MTMR8: variants seen among roughly 807,000 people sequenced by gnomAD.
The protein encoded by MTMR8 is phosphatidylinositol-3,5-bisphosphate 3-phosphatase MTMR8.
A neutral mutation model predicts 39.3 loss-of-function variants in MTMR8; 65 were observed. That is an observed-to-expected ratio of 1.65 (90% CI 1.35 to 2.03). MTMR8 has a LOEUF of 2.03. Ranked by LOEUF, MTMR8 falls within the 30% of genes most tolerant of loss-of-function variation. The pLI is 0.00. For synonymous variants in MTMR8, 245 were observed against 185.2 expected (o/e 1.32, Z -2.62); for missense variants, 777 against 538.9 (o/e 1.44, Z -4.37).
chrX:64,268,940 C>T lies in MTMR8; in HGVS notation c.1712G>A (p.Gly571Asp). 8.3e-7 allele frequency: 1 copy of T among 1,211,605 alleles called. No homozygotes were observed. Among genetic ancestry groups the T allele is most frequent in the Admixed American group, 2.2e-5 (1 of 46,018 alleles). ...CAGGTCTCCATTGATACCCATAAAG[C>T]CAAGAGGATTGGTCAAAGGACTTCC... ...HLGSPLTNPL[G>D]FMGINGDLNT... Residue 571 changes from glycine (G) to aspartate (D), a missense_variant, in exon 14 of 14, where the codon GGC (glycine) becomes GAC (aspartate). Transcript: ENST00000374852.
rs1249274718 is a variant in MTMR8 at position 64,354,865 on chromosome X, C to T, written c.380G>A (p.Trp127Ter). ...KSSKEMRESGWKLIDPISDFG... is the reference protein window; with the variant it reads ...KSSKEMRESG ...GTCTGATATTGGGTCAATCAGTTTC[C>T]ATCCACTTTCCCTCATCTCTTTTGA... Residue 127 changes from tryptophan to a stop codon, truncating the protein, a stop_gained, in exon 4 of 14, where the codon TGG becomes TAG. Transcript: ENST00000374852. LOFTEE classifies it high-confidence loss of function. The T allele has an allele frequency of 8.3e-7, 1 of 1,203,798 alleles. No homozygotes were observed. Among genetic ancestry groups the T allele is most frequent in the Admixed American group, 2.2e-5 (1 of 45,312 alleles).
At chrX:64,336,156 G>T (rs147190826) in intron 9 of MTMR8, 28 bp from the exon 10 acceptor site, 3 of 1,092,150 alleles carry the variant, frequency 2.7e-6, no homozygotes, top group African/African-American at 3.7e-5. Context: ...GAAAGTGTTT[G>T]CATTAGGAAA....
chrX:64,370,854 C>T lies in MTMR8; in HGVS notation c.25-11327G>A, dbSNP rs756007126. Among the ~76,000 whole-genome samples the T allele has an allele frequency of 1.9e-3, 212 of 111,598 alleles. 2 individuals are homozygous for T. Among genetic ancestry groups the T allele is most frequent in the African/African-American group, 6.2e-3 (190 of 30,708 alleles). On this transcript the variant is annotated intron_variant, in intron 1 of 13. Coordinates refer to ENST00000374852, the MANE Select transcript of MTMR8 (RefSeq NM_017677.4). ...CTCTAAATGTGCTCTAATTAGGGAT[C>T]CTCAATATCCAAGACAGACCAGGTA... is the stretch of plus-strand genomic sequence containing the variant.
intron 1 of MTMR8, among the ~76,000 whole-genome samples, chrX:64,394,590 T>C (rs1452309908): frequency 9.0e-6 from 1 of 111,059 alleles, no homozygotes; most frequent in Non-Finnish European, 1.9e-5. Flanking sequence ...AGGAGGGAAG[T>C]GGATTTGAAA....
chrX:64,362,780 G>A (rs1370799714), intron 1 of MTMR8, among the ~76,000 whole-genome samples: 3 of 110,244 alleles, frequency 2.7e-5, no homozygotes, highest in Non-Finnish European at 5.7e-5. Flanking sequence ...CTATGAACAG[G>A]GAAAGACTTT....
intron 12 of MTMR8, chrX:64,306,189 T>C: frequency 9.7e-6 from 3 of 310,681 alleles, no homozygotes; most frequent in Non-Finnish European, 1.9e-5. Context: ...GGGAGGACCA[T>C]CACTTATGAT....
intron 12 of MTMR8, among the ~76,000 whole-genome samples, chrX:64,273,437 AG>A (rs1023652588): frequency 7.3e-5 from 8 of 110,197 alleles, no homozygotes; most frequent in Admixed American, 2.9e-4. Context: ...TAAAAAAAAA[AG>A]AAAGAAGTGA....
Position 64,331,751 on chromosome X carries a change from G to A in MTMR8, c.1158C>T (p.Gly386=). Residue 386 remains glycine, a synonymous_variant, in exon 11 of 14, where the codon GGC becomes GGT. Coordinates refer to ENST00000374852, the MANE Select transcript of MTMR8 (RefSeq NM_017677.4). Reference sequence around the variant, plus strand: ...CTTCTTTAGAGTCCCCATCGAGGTGGCCACACCTGAGAGATGAAAATAAAG... The same window carrying A: ...CTTCTTTAGAGTCCCCATCGAGGTGACCACACCTGAGAGATGAAAATAAAG... ...SMGHKFSQRC[G]HLDGDSKEVS... is the part of the protein sequence containing the mutation. The A allele has an allele frequency of 5.0e-6, 6 of 1,201,957 alleles. No homozygotes were observed. The highest frequency in any genetic ancestry group is 6.8e-6 in the Non-Finnish European group (6 of 887,648).
rs73227155 is a variant in MTMR8, at chrX:64,268,645, G to C, written c.2007C>G (p.Asn669Lys). The C allele has an allele frequency of 8.3e-7, 1 of 1,211,601 alleles. No individual in the cohort carries two copies. Among genetic ancestry groups the C allele is most frequent in the African/African-American group, 1.7e-5 (1 of 57,735 alleles). ...AACCCCTGGCCTCAGAAATACCCAAGTTTCCAGAGATGCCAGTGGCCTCAG... is the reference window on the plus strand; with the variant it reads ...AACCCCTGGCCTCAGAAATACCCAACTTTCCAGAGATGCCAGTGGCCTCAG... ...DISEATGISG[N>K]LGISEARGFS... Residue 669 changes from asparagine (N) to lysine (K), a missense_variant, in exon 14 of 14, where the codon AAC (asparagine) becomes AAG (lysine). By Grantham distance (94) the Asn-to-Lys change is moderately conservative. Transcript: ENST00000374852.
intron 12 of MTMR8, among the ~76,000 whole-genome samples, chrX:64,323,585 C>T (rs1019708897): frequency 2.4e-4 from 27 of 112,231 alleles, no homozygotes; most frequent in South Asian, 7.4e-4. Flanking sequence ...ACAGCATATT[C>T]GACCAAACAG....
intron 12 of MTMR8, among the ~76,000 whole-genome samples, chrX:64,279,437 G>T (rs1032375884): frequency 9.0e-6 from 1 of 111,716 alleles, no homozygotes; most frequent in African/African-American, 3.3e-5. Context: ...CAGGTAAGAG[G>T]CTTATAAACA....
Position 64,268,242 on chromosome X carries a change from A to G in MTMR8, c.*295T>C, listed in dbSNP as rs1015121775. 1.3e-5 allele frequency: 4 copies of G among 302,630 alleles called. No homozygotes were observed. The highest frequency in any genetic ancestry group is 1.7e-5 in the Non-Finnish European group (3 of 174,414). The allele number at this position is 302,630 out of a possible 1,213,427, so 24.9% of individuals were successfully genotyped here. A position where few individuals can be genotyped will look rare whatever the true frequency, so the allele number is the denominator to read the frequency against. On this transcript the variant is annotated 3_prime_UTR_variant, in exon 14 of 14. Coordinates refer to ENST00000374852, the MANE Select transcript of MTMR8 (RefSeq NM_017677.4). ...AAATAGGGCAGGTCGATCATTAAGG[A>G]AAACAGACAGTAGAACCAGCTTAAT... is the stretch of plus-strand genomic sequence containing the variant.
chrX:64,340,256 G>T (rs1923180334), intron 8 of MTMR8, among the ~76,000 whole-genome samples: 3 of 111,918 alleles, frequency 2.7e-5, no homozygotes, highest in African/African-American at 9.7e-5. Flanking sequence ...AACTATGCTA[G>T]CTGGATTAAG....
chrX:64,276,106 T>C (rs770663564), intron 12 of MTMR8, among the ~76,000 whole-genome samples: 209 of 112,037 alleles, frequency 1.9e-3, no homozygotes, highest in Non-Finnish European at 3.4e-3. Flanking sequence ...TAGTGGTCTA[T>C]CTATTTTGTT....
chrX:64,342,327 C>T (rs1302438973), intron 8 of MTMR8, among the ~76,000 whole-genome samples: 1 of 112,146 alleles, frequency 8.9e-6, no homozygotes, highest in African/African-American at 3.2e-5. Context: ...TTGGCAATAG[C>T]CAGATGGAGG....
Position 64,375,672 on chromosome X carries a change from T to C in MTMR8, c.25-16145A>G, listed in dbSNP as rs766421361. ...AAGGAGCTGTTTGCCCCTTCTGCCA[T>C]GTGAGGAGGCAGCAAAAAGACCACT... On this transcript the variant is annotated intron_variant, in intron 1 of 13. Coordinates refer to ENST00000374852, the MANE Select transcript of MTMR8 (RefSeq NM_017677.4). Among the ~76,000 whole-genome samples, 7 of 111,723 alleles carry C rather than the reference T, an allele frequency of 6.3e-5. No homozygotes were observed. The East Asian group carries it at 2.0e-3, about 32-fold the overall frequency.
At chrX:64,301,156 A>T (rs1340925028) in intron 12 of MTMR8, among the ~76,000 whole-genome samples, 1 of 109,592 alleles carries the variant, frequency 9.1e-6, no homozygotes, top group Admixed American at 9.8e-5. Flanking sequence ...CTCCTGGATA[A>T]TATCCTGCAG....
chrX:64,300,643 C>T (rs1167533113), intron 12 of MTMR8, among the ~76,000 whole-genome samples: 6 of 99,972 alleles, frequency 6.0e-5, no homozygotes, highest in Non-Finnish European at 8.1e-5. Context: ...TGATTTTGCT[C>T]GTTAGTTGAT....
At position 64,343,691 on chromosome X, in the gene MTMR8, C is replaced by A. The variant is rs776681861; in HGVS notation, c.895G>T (p.Glu299Ter). The A allele has an allele frequency of 1.7e-6, 2 of 1,205,997 alleles. No individual in the cohort carries two copies. The highest frequency in any genetic ancestry group is 5.9e-5 in the East Asian group (2 of 33,700). The change falls in exon 8 of 14, where the codon GAA becomes TAA. Residue 299 changes from glutamate to a stop codon, truncating the protein, a stop_gained. Transcript: ENST00000374852. LOFTEE classifies it high-confidence loss of function. ...GAGCTCTCCAGGCCGCTAAGAAATT[C>A]ACTCATTGTTGGAGTTTTCAATTCA... is the stretch of plus-strand genomic sequence containing the variant. ...VCELKTPTMSEFLSGLESSGW... is the reference protein window; with the variant it reads ...VCELKTPTMS
Sources: allele counts gnomAD v4.1 joint callset (sites outside exome capture counted in the v4.1 genomes callset), GRCh38; gene constraint gnomAD v4.1.1; transcripts MANE v1.5; gene names NCBI Gene and HGNC (gene_info 2026-07-23, HGNC 2026-07-21).